Variants in SHANK2 observed in about 807,000 individuals in gnomAD.
The protein encoded by SHANK2 is SH3 and multiple ankyrin repeat domains protein 2.
A neutral mutation model predicts 133.7 loss-of-function variants in SHANK2; 43 were observed. The ratio of observed to expected loss-of-function variants is 0.32; its 90% CI spans 0.25 to 0.41. The LOEUF (loss-of-function observed/expected upper bound fraction) is 0.41. Ranked by LOEUF, SHANK2 falls within the 10% of genes least tolerant of loss-of-function variation. The pLI is 1.00. For missense variants in SHANK2, 1,994 were observed against 2,235.8 expected, an observed-to-expected ratio of 0.89 and a Z score of 2.18; for synonymous variants, 1,017 against 952.8, an observed-to-expected ratio of 1.07 and a Z score of -1.24.
At chr11:70,853,196 C>T (rs1460423456) in intron 11 of SHANK2, among the ~76,000 whole-genome samples, 2 of 152,218 alleles carry the variant, frequency 1.3e-5, no homozygotes, top group African/African-American at 4.8e-5. Context: ...ACATGAGCAA[C>T]ACTCCGTGAG....
intron 15 of SHANK2, among the ~76,000 whole-genome samples, chr11:70,672,805 G>T: frequency 6.6e-6 from 1 of 152,258 alleles, no homozygotes; most frequent in East Asian, 1.9e-4. Flanking sequence ...ACACTCTGCA[G>T]CCTTGGATGG....
intron 17 of SHANK2, among the ~76,000 whole-genome samples, chr11:70,526,639 T>C (rs2059401184): frequency 6.6e-6 from 1 of 152,218 alleles, no homozygotes; most frequent in African/African-American, 2.4e-5. Context: ...TGCTTCCGGC[T>C]TTGGCCAGAG....
intron 3 of SHANK2, among the ~76,000 whole-genome samples, chr11:71,136,399 A>C (rs1555104786): frequency 6.6e-6 from 1 of 152,244 alleles, no homozygotes; most frequent in East Asian, 1.9e-4. Context: ...CTGAAACTCA[A>C]ATCCTGAATG....
chr11:70,766,021 G>C (rs1380839282), intron 14 of SHANK2, among the ~76,000 whole-genome samples: 1 of 152,198 alleles, frequency 6.6e-6, no homozygotes, highest in Non-Finnish European at 1.5e-5. Flanking sequence ...TCCATAGCAG[G>C]TTATCTGGAA....
chr11:70,737,417 G>A lies in SHANK2; in HGVS notation c.1778-38654C>T, dbSNP rs141524939. Among the ~76,000 whole-genome samples the A allele has an allele frequency of 1.2e-4, 19 of 152,230 alleles. No homozygotes were observed. The East Asian group carries it at 2.1e-3, about 17-fold the overall frequency. On this transcript the variant is annotated intron_variant, in intron 14 of 25. Coordinates refer to ENST00000601538, the MANE Select transcript of SHANK2 (RefSeq NM_012309.5). ...TCTGTGCCCTCTGCACCTGGGACAC[G>A]CCAGCCCCCAGGTGGCCTGGCCTTC... is the stretch of plus-strand genomic sequence containing the variant.
chr11:71,169,535 G>A (rs7122243), intron 2 of SHANK2, among the ~76,000 whole-genome samples: 61,090 of 151,924 alleles, frequency 0.4, 13,120 homozygotes, highest in Admixed American at 0.56. Context: ...TGAATCACCC[G>A]AGGTCAGGAG....
chr11:71,101,894 T>C (rs968018322), intron 6 of SHANK2, among the ~76,000 whole-genome samples: 1 of 152,256 alleles, frequency 6.6e-6, no homozygotes, highest in South Asian at 2.1e-4. Flanking sequence ...CAGCCTGGTA[T>C]GCAATGAGTA....
chr11:71,117,551 C>A (rs1245144100), intron 4 of SHANK2, among the ~76,000 whole-genome samples: 1 of 152,168 alleles, frequency 6.6e-6, no homozygotes, highest in African/African-American at 2.4e-5. Context: ...TCAGGACTCC[C>A]AGTCGCCCTG....
Position 70,468,854 on chromosome 11 carries a change from A to T in SHANK2, c.*4015T>A, listed in dbSNP as rs1443190173. The T allele has an allele frequency of 6.6e-6, 1 of 152,254 alleles. No individual in the cohort carries two copies. The highest frequency in any genetic ancestry group is 2.4e-5 in the African/African-American group (1 of 41,464). The allele number at this position is 152,254 out of a possible 1,614,324, so 9.4% of individuals were successfully genotyped here. On this transcript the variant is annotated 3_prime_UTR_variant, in exon 26 of 26. Coordinates refer to ENST00000601538, the MANE Select transcript of SHANK2 (RefSeq NM_012309.5). ...GTTTTCACTGGTGAGGCCAAAGAAG[A>T]AGTTCAACGTTTAGGTTTAAAATAT...
intron 14 of SHANK2, among the ~76,000 whole-genome samples, chr11:70,786,571 C>T (rs535324619): frequency 9.8e-5 from 15 of 152,300 alleles, no homozygotes; most frequent in Admixed American, 6.5e-4. Flanking sequence ...ATAAATCCAA[C>T]TTACAGATGA....
intron 14 of SHANK2, among the ~76,000 whole-genome samples, chr11:70,718,042 T>A (rs1175819368): frequency 6.6e-6 from 1 of 152,098 alleles, no homozygotes; most frequent in Non-Finnish European, 1.5e-5. Flanking sequence ...ACCAGGGACT[T>A]TTTTTTCCCC....
At chr11:70,661,162 T>A (rs1187463011) in intron 16 of SHANK2, among the ~76,000 whole-genome samples, 3 of 152,142 alleles carry the variant, frequency 2.0e-5, no homozygotes, top group African/African-American at 4.8e-5. Context: ...ACTCCCAGAA[T>A]GGGGCAGTTT....
chr11:70,661,851 G>T (rs1031526029), intron 15 of SHANK2, 173 bp from the exon 16 acceptor site: 21 of 1,576,902 alleles, frequency 1.3e-5, no homozygotes, highest in South Asian at 2.2e-5. Context: ...CGAAGGAAGA[G>T]GGGGGTGGCT....
At chr11:71,221,044 T>C (rs939193392) in intron 2 of SHANK2, among the ~76,000 whole-genome samples, 1 of 151,686 alleles carries the variant, frequency 6.6e-6, no homozygotes, top group Non-Finnish European at 1.5e-5. Flanking sequence ...CTACTAAAAA[T>C]ACAAAAATTA....
chr11:71,236,144 A>T (rs2135788115), intron 1 of SHANK2, among the ~76,000 whole-genome samples: 1 of 152,304 alleles, frequency 6.6e-6, no homozygotes, highest in East Asian at 1.9e-4. Context: ...CACCATCCAT[A>T]GAACACTCCT....
At chr11:70,712,668 C>T (rs950829454) in intron 14 of SHANK2, among the ~76,000 whole-genome samples, 1 of 152,232 alleles carries the variant, frequency 6.6e-6, no homozygotes, top group South Asian at 2.1e-4. Flanking sequence ...GGAGACTCCT[C>T]CTGCAATGGG....
intron 8 of SHANK2, among the ~76,000 whole-genome samples, chr11:71,091,164 G>T (rs1951512189): frequency 6.6e-6 from 1 of 152,172 alleles, no homozygotes; most frequent in South Asian, 2.1e-4. Context: ...GCGGGTGCAT[G>T]GAAGAGGACT....
At chr11:70,744,715 C>T (rs541836696) in intron 14 of SHANK2, among the ~76,000 whole-genome samples, 5 of 152,350 alleles carry the variant, frequency 3.3e-5, no homozygotes, top group African/African-American at 9.6e-5. Flanking sequence ...ACTAGGACAT[C>T]GCACAGCCAG....
At chr11:70,492,014 G>A (rs544144711) in intron 22 of SHANK2, among the ~76,000 whole-genome samples, 52 of 152,348 alleles carry the variant, frequency 3.4e-4, no homozygotes, top group African/African-American at 1.3e-3. Flanking sequence ...GGAGGCAAGA[G>A]CCCCTCTGTC....
Sources: allele counts gnomAD v4.1 joint callset (sites outside exome capture counted in the v4.1 genomes callset), GRCh38; gene constraint gnomAD v4.1.1; transcripts MANE v1.5; gene names NCBI Gene and HGNC (gene_info 2026-07-23, HGNC 2026-07-21).